LTBP1: variants seen among roughly 807,000 people sequenced by gnomAD.
LTBP1 encodes latent transforming growth factor beta binding protein 1, also known as latent-transforming growth factor beta-binding protein 1.
In LTBP1, 129 loss-of-function variants were observed where a neutral mutation model predicts 207.6. The observed-to-expected ratio is 0.62, with a 90% CI of 0.54 to 0.72. The LOEUF (loss-of-function observed/expected upper bound fraction) is 0.72, where lower values mean the gene tolerates loss of function less well. Among genes scored for constraint, LTBP1 ranks in the 30% least tolerant of loss-of-function variants. The pLI is 0.00. For synonymous variants in LTBP1, 963 were observed against 833.7 expected, an observed-to-expected ratio of 1.16 and a Z score of -2.67; for missense variants, 2,281 against 2,217.2, an observed-to-expected ratio of 1.03 and a Z score of -0.58.
intron 32 of LTBP1, among the ~76,000 whole-genome samples, chr2:33,391,165 C>G (rs2095311309): frequency 6.6e-6 from 1 of 151,848 alleles, no homozygotes; most frequent in African/African-American, 2.4e-5. Flanking sequence ...ATTAATCCAG[C>G]TAGGCTGCTT....
intron 24 of LTBP1, among the ~76,000 whole-genome samples, chr2:33,335,633 G>A (rs2094546076): frequency 6.6e-6 from 1 of 152,018 alleles, no homozygotes; most frequent in Non-Finnish European, 1.5e-5. Context: ...CTTAATGCTG[G>A]CTTCCCTCCT....
intron 5 of LTBP1, among the ~76,000 whole-genome samples, chr2:33,152,740 T>A (rs1240280065): frequency 6.6e-6 from 1 of 152,236 alleles, no homozygotes; most frequent in Non-Finnish European, 1.5e-5. Flanking sequence ...TTGTATATCT[T>A]CTTTGGAGAA....
At chr2:33,136,355 G>C (rs148040086) in intron 5 of LTBP1, among the ~76,000 whole-genome samples, 1 of 152,182 alleles carries the variant, frequency 6.6e-6, no homozygotes, top group African/African-American at 2.4e-5. Flanking sequence ...CGTAGGGCAT[G>C]CCAGTTAATA....
intron 3 of LTBP1, chr2:33,056,586 G>A (rs183967375): frequency 7.3e-5 from 27 of 370,530 alleles, no homozygotes; most frequent in African/African-American, 3.6e-4. Context: ...GCGGACCCTC[G>A]CAGTGAGTGT....
chr2:32,960,768 G>A (rs1307248890), intron 2 of LTBP1, among the ~76,000 whole-genome samples: 1 of 152,206 alleles, frequency 6.6e-6, no homozygotes, highest in Non-Finnish European at 1.5e-5. Context: ...GGGTCTGAGA[G>A]AAGAGTATTT....
chr2:33,017,709 T>A (rs915552619), intron 2 of LTBP1, among the ~76,000 whole-genome samples: 2 of 152,140 alleles, frequency 1.3e-5, no homozygotes, highest in Admixed American at 6.6e-5. Flanking sequence ...CTCCGCCTCC[T>A]GGGTTCACGC....
chr2:33,183,606 T>C (rs1405838796), intron 5 of LTBP1, among the ~76,000 whole-genome samples: 5 of 152,178 alleles, frequency 3.3e-5, no homozygotes, highest in Non-Finnish European at 7.3e-5. Flanking sequence ...GTAACGGAAA[T>C]TCATGCGTAT....
rs75909191 is a variant in LTBP1 at position 33,178,197 on chromosome 2, G to A, written c.1202-8659G>A. Among the ~76,000 whole-genome samples the A allele has an allele frequency of 1.8e-3, 278 of 152,272 alleles. 1 individual carries two copies. Among genetic ancestry groups the A allele is most frequent in the Non-Finnish European group, 3.3e-3 (226 of 68,022 alleles). ...TTCTGCAGCCAACAAATGTTGCTGCGTTTTTCCTAAGGGGGACAGAGCCTT... is the reference window on the plus strand; with the variant it reads ...TTCTGCAGCCAACAAATGTTGCTGCATTTTTCCTAAGGGGGACAGAGCCTT... On this transcript the variant is annotated intron_variant, in intron 5 of 33. Transcript: ENST00000404816.
chr2:33,228,695 CCCTTTTTT>C (rs1212685630), intron 9 of LTBP1, among the ~76,000 whole-genome samples: 1 of 60,696 alleles, frequency 1.6e-5, no homozygotes, highest in African/African-American at 5.9e-5. Flanking sequence ...CAGGGTTATA[CCCTTTTTT>C]TTTTTTTTTT....
At chr2:33,147,967 A>G (rs1305026425) in intron 5 of LTBP1, among the ~76,000 whole-genome samples, 1 of 152,254 alleles carries the variant, frequency 6.6e-6, no homozygotes, top group African/African-American at 2.4e-5. Context: ...AGGAAGTGAA[A>G]TAACAGATAC....
chr2:33,348,408 A>G (rs968891514), intron 26 of LTBP1, among the ~76,000 whole-genome samples: 2 of 152,228 alleles, frequency 1.3e-5, no homozygotes, highest in Non-Finnish European at 2.9e-5. Flanking sequence ...TGAACAGGCT[A>G]TAATTCAAAA....
At chr2:33,058,185 A>G (rs1051868620) in intron 3 of LTBP1, among the ~76,000 whole-genome samples, 6 of 152,278 alleles carry the variant, frequency 3.9e-5, no homozygotes, top group African/African-American at 7.2e-5. Context: ...AATAATAGCT[A>G]TGATGAAGTA....
intron 2 of LTBP1, among the ~76,000 whole-genome samples, chr2:32,994,629 G>T (rs1684968078): frequency 1.3e-5 from 2 of 152,138 alleles, no homozygotes; most frequent in South Asian, 4.2e-4. Context: ...ACCATGCCTG[G>T]ATAATTTTTG....
At chr2:33,158,908 C>T (rs1001601946) in intron 5 of LTBP1, among the ~76,000 whole-genome samples, 1 of 152,142 alleles carries the variant, frequency 6.6e-6, no homozygotes, top group African/African-American at 2.4e-5. Context: ...TACCTTCTTT[C>T]TTTTCTGTGA....
At chr2:33,167,334 G>A (rs1259648934) in intron 5 of LTBP1, among the ~76,000 whole-genome samples, 2 of 145,510 alleles carry the variant, frequency 1.4e-5, no homozygotes, top group African/African-American at 5.1e-5. Context: ...ATTAAAAAAA[G>A]TTTCATAAAA....
chr2:33,013,013 G>A (rs941477549), intron 2 of LTBP1, among the ~76,000 whole-genome samples: 2 of 152,102 alleles, frequency 1.3e-5, no homozygotes, highest in African/African-American at 2.4e-5. Flanking sequence ...TTGAATGGCT[G>A]TTAATACCAT....
Position 33,264,117 on chromosome 2 carries a change from C to A in LTBP1, c.2617+725C>A, listed in dbSNP as rs9751070. ...AAAAATACAAAAAAATTAGCTGGGC[C>A]TGGTGGCAGGCATCTGTAGTCCCAG... On this transcript the variant is annotated intron_variant, in intron 15 of 33. Transcript: ENST00000404816. Among the ~76,000 whole-genome samples, 10 of 150,304 alleles carry A rather than the reference C, an allele frequency of 6.7e-5. 1 individual carries two copies. Among genetic ancestry groups the A allele is most frequent in the South Asian group, 2.1e-4 (1 of 4,766 alleles).
chr2:33,273,581 G>A, intron 15 of LTBP1, 75 bp from the exon 16 acceptor site: 1 of 1,254,306 alleles, frequency 8.0e-7, no homozygotes, highest in Non-Finnish European at 1.1e-6. Context: ...GAAACTCAAA[G>A]TAATACTTTG....
chr2:33,263,447 T>A, intron 15 of LTBP1, 55 bp downstream of exon 15: 1 of 1,308,598 alleles, frequency 7.6e-7, no homozygotes, highest in Non-Finnish European at 1.1e-6. Flanking sequence ...GGGGCTGAGC[T>A]TCATTTTAAA....
Sources: allele counts gnomAD v4.1 joint callset (sites outside exome capture counted in the v4.1 genomes callset), GRCh38; gene constraint gnomAD v4.1.1; transcripts MANE v1.5; gene names NCBI Gene and HGNC (gene_info 2026-07-23, HGNC 2026-07-21).